The following IL3RA variants were observed in gnomAD, a reference collection of about 807,000 sequenced individuals.
The protein encoded by IL3RA is interleukin 3 receptor subunit alpha, also known as interleukin-3 receptor subunit alpha.
A neutral mutation model predicts 52.3 loss-of-function variants in IL3RA; 73 were observed. The ratio of observed to expected loss-of-function variants is 1.40; its 90% CI spans 1.16 to 1.70. The LOEUF is 1.70. Ranked by LOEUF, IL3RA falls within the 40% of genes most tolerant of loss-of-function variation. The pLI is 0.00. For synonymous variants in IL3RA, 260 were observed against 194.0 expected, an observed-to-expected ratio of 1.34 and a Z score of -2.83; for missense variants, 664 against 504.4, an observed-to-expected ratio of 1.32 and a Z score of -3.03.
chrX:1,362,923 A>C (rs1332688905), intron 8 of IL3RA, among the ~76,000 whole-genome samples: 2 of 151,406 alleles, frequency 1.3e-5, no homozygotes, highest in African/African-American at 2.4e-5. Context: ...CTACAGGTGC[A>C]CACCACCACG....
intron 9 of IL3RA, among the ~76,000 whole-genome samples, chrX:1,367,635 CGCCGGGTGAGCCGGGTGCGCGGGGTGA>C (rs2088222907): frequency 4.5e-5 from 4 of 89,498 alleles, no homozygotes; most frequent in Non-Finnish European, 8.4e-5. Context: ...GAGCGGGGTG[CGCCGGGTGAGCCGGGTGCGCGGGGTGA>C]GCCGGGTGCG....
rs753325948 is a variant in IL3RA, at chrX:1,341,806, C to G, written c.41C>G (p.Pro14Arg). The G allele has an allele frequency of 6.2e-7, 1 of 1,613,942 alleles. No individual in the cohort carries two copies. Among genetic ancestry groups the G allele is most frequent in the Non-Finnish European group, 8.5e-7 (1 of 1,179,856 alleles). Residue 14 changes from proline (P) to arginine (R), a missense_variant, in exon 2 of 12, where the codon CCC (proline) becomes CGC (arginine). Physicochemically the swap from Pro to Arg is moderately radical, Grantham distance 103. Transcript: ENST00000331035. ...LWLTLLLIAL[P>R]CLLQTKEDPN... Reference sequence around the variant, plus strand: ...CTCACGCTGCTCCTGATCGCCCTGCCCTGTCTCCTGCAAACGAAGGAAGGT... The same window carrying G: ...CTCACGCTGCTCCTGATCGCCCTGCGCTGTCTCCTGCAAACGAAGGAAGGT...
chrX:1,345,782 G>A (rs1484254984), intron 3 of IL3RA, among the ~76,000 whole-genome samples: 6 of 151,826 alleles, frequency 4.0e-5, no homozygotes, highest in Non-Finnish European at 7.4e-5. Context: ...GAGTCACCGC[G>A]CATGGCCCAG....
At chrX:1,365,853 G>C (rs1262132561) in intron 9 of IL3RA, among the ~76,000 whole-genome samples, 1 of 36,448 alleles carries the variant, frequency 2.7e-5, no homozygotes. Flanking sequence ...CGGGGTGAGC[G>C]GGGTGAGCGG....
In IL3RA at chrX:1,380,958, T is replaced by G. The variant is rs1160892138; in HGVS notation, c.981-65T>G. 9 of 1,340,318 alleles carry G rather than the reference T, an allele frequency of 6.7e-6. No homozygotes were observed. In the African/African-American group the frequency reaches 1.0e-4, roughly 15 times the overall value. 83.0% of individuals were successfully genotyped at this position (1,340,318 alleles called of 1,614,324 possible). A position where few individuals can be genotyped will look rare whatever the true frequency, so the allele number is the denominator to read the frequency against. ...CTGGCACTGTCTGTCCTGGACACGCTGTGTCCCAGATGATGAGCTGGTCGG... is the reference window on the plus strand; with the variant it reads ...CTGGCACTGTCTGTCCTGGACACGCGGTGTCCCAGATGATGAGCTGGTCGG... On this transcript the variant is annotated intron_variant, in intron 10 of 11. Coordinates refer to ENST00000331035, the MANE Select transcript of IL3RA (RefSeq NM_002183.4).
chrX:1,345,694 G>C (rs1196986681), intron 3 of IL3RA, among the ~76,000 whole-genome samples: 1 of 151,592 alleles, frequency 6.6e-6, no homozygotes, highest in Non-Finnish European at 1.5e-5. Context: ...GTTTCACTGT[G>C]TTAGCCAGGA....
At position 1,351,994 on chromosome X, in the gene IL3RA, A is replaced by G. The variant is rs1462274767; in HGVS notation, c.299-106A>G. 20 of 1,396,318 alleles carry G rather than the reference A, an allele frequency of 1.4e-5. No homozygotes were observed. The African/African-American group carries it at 2.6e-4, about 18-fold the overall frequency. 86.5% of individuals were successfully genotyped at this position (1,396,318 alleles called of 1,614,324 possible). On this transcript the variant is annotated intron_variant, in intron 4 of 11. Transcript: ENST00000331035. ...TGGCCAGGCTGGTCTCGAACTCCTG[A>G]CCTCATGTGATCCACCCGCCTCGGC...
chrX:1,358,515 C>T (rs2086908252), intron 7 of IL3RA, among the ~76,000 whole-genome samples: 1 of 151,830 alleles, frequency 6.6e-6, no homozygotes, highest in Non-Finnish European at 1.5e-5. Context: ...AAAAATTAGC[C>T]AGGCGTGGTG....
intron 8 of IL3RA, 22 bp downstream of exon 8, chrX:1,358,909 C>T: frequency 1.2e-6 from 2 of 1,605,962 alleles, no homozygotes; most frequent in Non-Finnish European, 1.7e-6. Flanking sequence ...CTACCCCCAG[C>T]CGCTGTACTT....
chrX:1,343,926 G>A (rs1301464479), intron 2 of IL3RA, among the ~76,000 whole-genome samples: 1 of 151,236 alleles, frequency 6.6e-6, no homozygotes, highest in Non-Finnish European at 1.5e-5. Context: ...TTCCTGATTA[G>A]CTGGGATTAC....
chrX:1,358,718 T>G (rs865892578), intron 7 of IL3RA, 143 bp from the exon 8 acceptor site: 2 of 661,462 alleles, frequency 3.0e-6, no homozygotes, highest in African/African-American at 3.6e-5. Flanking sequence ...AGCTCATTAT[T>G]TTGCCCCCAC....
chrX:1,367,602 G>C (rs1179667781), intron 9 of IL3RA, among the ~76,000 whole-genome samples: 10 of 94,958 alleles, frequency 1.1e-4, no homozygotes, highest in South Asian at 3.9e-4. Context: ...CCGGGTGCGC[G>C]GGGTGAGCGG....
chrX:1,352,107 G>T lies in IL3RA; in HGVS notation c.306G>T (p.Lys102Asn). 2 of 1,613,780 alleles carry T rather than the reference G, an allele frequency of 1.2e-6. No homozygotes were observed. The highest frequency in any genetic ancestry group is 1.7e-6 in the Non-Finnish European group (2 of 1,179,818). ...TWILFPENSG[K>N]PWAGAENLTC... ...TCATGTTTGTGAACCCAGGTGGGAA[G>T]CCTTGGGCAGGTGCGGAGAATCTGA... Residue 102 changes from lysine (K) to asparagine (N), a missense_variant, in exon 5 of 12, where the codon AAG (lysine) becomes AAT (asparagine). Coordinates refer to ENST00000331035, the MANE Select transcript of IL3RA (RefSeq NM_002183.4).
At position 1,356,213 on chromosome X, in the gene IL3RA, G is replaced by A. The variant is rs1266995060; in HGVS notation, c.617-8G>A. 18 of 1,532,840 alleles carry A rather than the reference G, an allele frequency of 1.2e-5. No homozygotes were observed. The highest frequency in any genetic ancestry group is 1.4e-5 in the Non-Finnish European group (16 of 1,116,484). 95.0% of individuals were successfully genotyped at this position (1,532,840 alleles called of 1,614,324 possible). ...CCTAAATCCTAAAAGTGTTTTTCTC[G>A]TTGCTAGAGATATTAACTCCACCCA... On this transcript the variant is annotated splice_region_variant and splice_polypyrimidine_tract_variant and intron_variant, in intron 6 of 11. Coordinates refer to ENST00000331035, the MANE Select transcript of IL3RA (RefSeq NM_002183.4).
Position 1,356,631 on chromosome X carries a change from G to C in IL3RA, c.732+295G>C, listed in dbSNP as rs1301538795. On this transcript the variant is annotated intron_variant, in intron 7 of 11. Transcript: ENST00000331035. ...AAAAATACGAAAAAAAATTAGCTGG[G>C]CGTGGTGGCACGGTCTTGTAGTTCC... is the stretch of plus-strand genomic sequence containing the variant. Among the ~76,000 whole-genome samples the C allele has an allele frequency of 5.3e-5, 8 of 152,070 alleles. No homozygotes were observed. The East Asian group carries it at 1.5e-3, about 29-fold the overall frequency.
intron 8 of IL3RA, among the ~76,000 whole-genome samples, chrX:1,360,668 G>A (rs1174491743): frequency 2.0e-5 from 3 of 150,402 alleles, no homozygotes; most frequent in Non-Finnish European, 2.9e-5. Context: ...ACAGGCACTC[G>A]CCACCATGCC....
intron 6 of IL3RA, among the ~76,000 whole-genome samples, chrX:1,354,599 GGGAGGA>G (rs1433325781): frequency 4.5e-4 from 54 of 119,964 alleles, no homozygotes; most frequent in Non-Finnish European, 8.3e-4. Flanking sequence ...AAAGAGGAGG[GGGAGGA>G]GGAGGAGGAA....
chrX:1,376,641 G>C (rs1211875499), intron 9 of IL3RA, among the ~76,000 whole-genome samples: 2 of 149,836 alleles, frequency 1.3e-5, no homozygotes, highest in Admixed American at 6.6e-5. Flanking sequence ...TGAGGACACA[G>C]GGAGAAGACG....
chrX:1,360,133 GTGTC>G (rs1264678098), intron 8 of IL3RA, among the ~76,000 whole-genome samples: 4 of 98,290 alleles, frequency 4.1e-5, no homozygotes, highest in African/African-American at 1.6e-4. Flanking sequence ...CTCTTTCTCC[GTGTC>G]TGTCTCTGTG....
Sources: gnomAD v4.1 joint callset for allele counts (sites outside exome capture counted in the v4.1 genomes callset) on GRCh38, gnomAD v4.1.1 for gene constraint, MANE v1.5 for transcripts, NCBI Gene and HGNC (gene_info 2026-07-23, HGNC 2026-07-21) for gene names.